Variants in TMEM214 observed in about 807,000 individuals in gnomAD.
TMEM214 encodes transmembrane protein 214.
In TMEM214, 71 loss-of-function variants were observed where a neutral mutation model predicts 89.8. That is an observed-to-expected ratio of 0.79 (90% confidence interval 0.65 to 0.96). The LOEUF is 0.96. Ranked by LOEUF, TMEM214 falls within the 40% of genes least tolerant of loss-of-function variation. TMEM214 has a pLI of 0.00. For missense variants in TMEM214, 754 were observed against 843.4 expected (o/e 0.89, Z 1.31); for synonymous variants, 332 against 349.5 (o/e 0.95, Z 0.56).
rs758711541 is a variant in TMEM214, at chr2:27,038,518, C to G, written c.1279C>G (p.Gln427Glu). Residue 427 changes from glutamine (Q) to glutamate (E), a missense_variant, in exon 11 of 17, where the codon CAG becomes GAG. Transcript: ENST00000238788. This position sits in a 1 kb window ranked among gnomAD's most constrained non-coding sequence, Gnocchi z 4.4. Reference protein sequence around the residue: ...LLEHLLSSWEQIPKKVQKSLQ... With the variant: ...LLEHLLSSWEEIPKKVQKSLQ... Reference sequence around the variant, plus strand: ...GGAGCACTTGCTCAGCTCCTGGGAGCAGATTCCCAAGAAGGTGAGGAGCTG... The same window carrying G: ...GGAGCACTTGCTCAGCTCCTGGGAGGAGATTCCCAAGAAGGTGAGGAGCTG... The G allele has an allele frequency of 3.1e-6, 5 of 1,614,048 alleles. No individual in the cohort carries two copies. The Admixed American group carries it at 6.7e-5, about 22-fold the overall frequency.
chr2:27,039,012 C>A (rs755419172), intron 12 of TMEM214, 35 bp from the exon 13 acceptor site: 6 of 1,606,218 alleles, frequency 3.7e-6, no homozygotes, highest in Non-Finnish European at 5.1e-6. Flanking sequence ...CAGCCCCTCG[C>A]TTCTGACAAC....
chr2:27,036,754 C>T lies in TMEM214; in HGVS notation c.876C>T (p.Pro292=), dbSNP rs746351510. Residue 292 remains proline (P), a synonymous_variant, in exon 7 of 17, where the codon CCC becomes CCT. Coordinates refer to ENST00000238788, the MANE Select transcript of TMEM214 (RefSeq NM_017727.5). ...LPVLGIKSLS[P]FAITYLDRLL... ...TGCTGGGCATCAAGTCTCTGTCTCC[C>T]TTTGCCATCACATACCTGGATCGGC... The T allele has an allele frequency of 6.2e-7, 1 of 1,614,170 alleles. No homozygotes were observed. The highest frequency in any genetic ancestry group is 1.1e-5 in the South Asian group (1 of 91,082).
intron 1 of TMEM214, 54 bp downstream of exon 1, chr2:27,033,220 A>G: frequency 8.0e-7 from 1 of 1,242,816 alleles, no homozygotes; most frequent in Non-Finnish European, 1.0e-6. Context: ...GCAGGGTCGC[A>G]GCGAGCGGCT....
chr2:27,035,774 T>C, intron 4 of TMEM214, 46 bp downstream of exon 4: 1 of 1,612,992 alleles, frequency 6.2e-7, no homozygotes, highest in Non-Finnish European at 8.5e-7. Flanking sequence ...GCCTCCTCCT[T>C]TTTTTCCTGC....
At chr2:27,037,245 C>T (rs1281276548) in intron 8 of TMEM214, 67 bp downstream of exon 8, 31 of 1,292,546 alleles carry the variant, frequency 2.4e-5, no homozygotes, top group South Asian at 5.9e-5. Flanking sequence ...TACATATTCC[C>T]GTCTCTCCTT....
chr2:27,039,221 T>TAGCCCCGCCCCCAGC, intron 13 of TMEM214, 57 bp downstream of exon 13: 13 of 1,431,282 alleles, frequency 9.1e-6, no homozygotes, highest in Non-Finnish European at 1.3e-5. Context: ...GAGCTACACG[T>TAGCCCCGCCCCCAGC]AGCACCACCA....
chr2:27,039,518 C>G, intron 13 of TMEM214: 1 of 605,432 alleles, frequency 1.7e-6, no homozygotes, highest in Non-Finnish European at 2.9e-6. Context: ...AAGCCTGAGC[C>G]TAGGCTCCAA....
rs1667818267 is a variant in TMEM214, at chr2:27,041,186, T to C, written c.*349T>C. 2 of 225,248 alleles carry C rather than the reference T, an allele frequency of 8.9e-6. No homozygotes were observed. The highest frequency in any genetic ancestry group is 9.1e-5 in the South Asian group (1 of 10,936). The allele number at this position is 225,248 out of a possible 1,614,324, so 14.0% of individuals were successfully genotyped here. The stretch of plus-strand genomic sequence containing the variant: ...CCCAAACAGCTCATCTCTAAAAAGA[T>C]AGAACTCCCAGCAGGTGGCTTCTGT... On this transcript the variant is annotated 3_prime_UTR_variant, in exon 17 of 17. Coordinates refer to ENST00000238788, the MANE Select transcript of TMEM214 (RefSeq NM_017727.5).
In TMEM214 at chr2:27,038,196, C is replaced by T. The variant is rs776731148; in HGVS notation, c.1203C>T (p.Ser401=). 12 of 1,614,090 alleles carry T rather than the reference C, an allele frequency of 7.4e-6. No homozygotes were observed. Among genetic ancestry groups the T allele is most frequent in the Admixed American group, 6.7e-5 (4 of 60,010 alleles). Residue 401 remains serine (S), a synonymous_variant, in exon 10 of 17, where the codon AGC becomes AGT. Coordinates refer to ENST00000238788, the MANE Select transcript of TMEM214 (RefSeq NM_017727.5). The surrounding 1 kb of genome is among the most constrained non-coding windows in gnomAD (Gnocchi z 4.4). Reference sequence around the variant, plus strand: ...TGACGGTGGACCCCCTCAGTGCCAGCGTCTGGAGGCAGCTGTACCCTAAGC... The same window carrying T: ...TGACGGTGGACCCCCTCAGTGCCAGTGTCTGGAGGCAGCTGTACCCTAAGC... ...ECLTVDPLSA[S]VWRQLYPKHL... is the part of the protein sequence containing the mutation.
At chr2:27,034,289 C>T (rs373719683) in intron 2 of TMEM214, 23 bp downstream of exon 2, 21 of 1,610,336 alleles carry the variant, frequency 1.3e-5, no homozygotes, top group African/African-American at 2.7e-5. Context: ...AGACATGAGA[C>T]GCAGAAAGAA....
intron 14 of TMEM214, 37 bp from the exon 15 acceptor site, chr2:27,039,993 A>G (rs1205758612): frequency 1.3e-6 from 2 of 1,595,232 alleles, no homozygotes; most frequent in East Asian, 4.5e-5. Context: ...GCCTGAGGAG[A>G]CTCAGAGCCC....
Position 27,033,079 on chromosome 2 carries a change from G to C in TMEM214, c.64G>C (p.Val22Leu). 1 of 1,247,834 alleles carries C rather than the reference G, an allele frequency of 8.0e-7. No homozygotes were observed. Among genetic ancestry groups the C allele is most frequent in the Middle Eastern group, 2.4e-4 (1 of 4,246 alleles). 77.3% of individuals were successfully genotyped at this position (1,247,834 alleles called of 1,614,324 possible). Reference protein sequence around the residue: ...EVVKKGRRPGVGAGAGGRGGG... With the variant: ...EVVKKGRRPGLGAGAGGRGGG... Reference sequence around the variant, plus strand: ...AGTGAAGAAGGGTCGGCGGCCTGGGGTCGGCGCCGGCGCCGGCGGCCGAGG... The same window carrying C: ...AGTGAAGAAGGGTCGGCGGCCTGGGCTCGGCGCCGGCGCCGGCGGCCGAGG... The change falls in exon 1 of 17, where the codon GTC becomes CTC. Residue 22 changes from valine (V) to leucine (L), a missense_variant. Val to Leu is a conservative substitution (Grantham distance 32). Coordinates refer to ENST00000238788, the MANE Select transcript of TMEM214 (RefSeq NM_017727.5).
At position 27,040,862 on chromosome 2, in the gene TMEM214, T is replaced by G. The variant is rs774168971; in HGVS notation, c.*25T>G. 12 of 1,609,360 alleles carry G rather than the reference T, an allele frequency of 7.5e-6. No individual in the cohort carries two copies. Among genetic ancestry groups the G allele is most frequent in the Non-Finnish European group, 9.4e-6 (11 of 1,176,084 alleles). On this transcript the variant is annotated 3_prime_UTR_variant, in exon 17 of 17. Coordinates refer to ENST00000238788, the MANE Select transcript of TMEM214 (RefSeq NM_017727.5). ...GGCCCTGCCTTCCTGGCCACTGATT[T>G]CTGCATGGGTAGACCATCCAAGACT...
At chr2:27,037,843 C>T in intron 9 of TMEM214, 141 bp downstream of exon 9, 1 of 1,573,030 alleles carries the variant, frequency 6.4e-7, no homozygotes. Context: ...CTGCCCCGCT[C>T]ACTCGAGCTT....
chr2:27,034,772 T>TG (rs1197265685), intron 2 of TMEM214, among the ~76,000 whole-genome samples: 8 of 151,610 alleles, frequency 5.3e-5, no homozygotes, highest in African/African-American at 9.7e-5. Flanking sequence ...TTAGTAGAGA[T>TG]GGGGTTTCAC....
intron 13 of TMEM214, 192 bp downstream of exon 13, chr2:27,039,356 G>A (rs1450447044): frequency 2.5e-5 from 15 of 603,758 alleles, no homozygotes; most frequent in Admixed American, 1.2e-4. Flanking sequence ...CTAGGACTTC[G>A]CAGTATAGAA....
chr2:27,037,848 G>A (rs201382357), intron 9 of TMEM214, 146 bp downstream of exon 9: 5 of 1,568,688 alleles, frequency 3.2e-6, no homozygotes, highest in Admixed American at 3.8e-5. Flanking sequence ...CCGCTCACTC[G>A]AGCTTCACCC....
In TMEM214 at chr2:27,035,813, C is replaced by T. The variant is rs1667536975; in HGVS notation, c.637+85C>T. ...CAGTACCACTCAGTGGTTCTGTTTC[C>T]AGCAGAGAAATGTGCTAACCTTAAC... On this transcript the variant is annotated intron_variant, in intron 4 of 16. Transcript: ENST00000238788. The T allele has an allele frequency of 1.2e-5, 19 of 1,600,900 alleles. No individual in the cohort carries two copies. The Middle Eastern group carries it at 5.0e-4, about 42-fold the overall frequency.
At position 27,038,551 on chromosome 2, in the gene TMEM214, G is replaced by A. The variant is rs758077789; in HGVS notation, c.1293+19G>A. 32 of 1,613,766 alleles carry A rather than the reference G, an allele frequency of 2.0e-5. No individual in the cohort carries two copies. Among genetic ancestry groups the A allele is most frequent in the Non-Finnish European group, 2.6e-5 (31 of 1,179,928 alleles). Reference sequence around the variant, plus strand: ...CAAGAAGGTGAGGAGCTGGGAGGACGTGGCAGGTTGAGCCCTGTCTGGATT... The same window carrying A: ...CAAGAAGGTGAGGAGCTGGGAGGACATGGCAGGTTGAGCCCTGTCTGGATT... On this transcript the variant is annotated intron_variant, in intron 11 of 16. Coordinates refer to ENST00000238788, the MANE Select transcript of TMEM214 (RefSeq NM_017727.5). This position sits in a 1 kb window ranked among gnomAD's most constrained non-coding sequence, Gnocchi z 4.4.
Sources: allele counts gnomAD v4.1 joint callset (sites outside exome capture counted in the v4.1 genomes callset), GRCh38; gene constraint gnomAD v4.1.1; non-coding constraint Gnocchi (gnomAD v3.1); transcripts MANE v1.5; gene names NCBI Gene and HGNC (gene_info 2026-07-23, HGNC 2026-07-21).